RNGTT: variants seen among roughly 807,000 people sequenced by gnomAD.
The protein encoded by RNGTT is RNA guanylyltransferase and 5'-phosphatase.
Under a neutral mutation model 79.3 loss-of-function variants are expected in RNGTT, and 33 were observed. The ratio of observed to expected loss-of-function variants is 0.42; its 90% confidence interval spans 0.32 to 0.56. RNGTT has a LOEUF of 0.56. Among genes scored for constraint, RNGTT ranks in the 20% least tolerant of loss-of-function variants. The pLI is 0.17. For missense variants in RNGTT, 497 were observed against 739.1 expected (o/e 0.67, Z 3.80); for synonymous variants, 222 against 235.9 (o/e 0.94, Z 0.54).
chr6:88,707,528 C>T (rs1776167953), intron 13 of RNGTT, among the ~76,000 whole-genome samples: 1 of 151,892 alleles, frequency 6.6e-6, no homozygotes, highest in African/African-American at 2.4e-5. Context: ...GAAAAGTCTC[C>T]TAAGTAAAAA....
intron 14 of RNGTT, among the ~76,000 whole-genome samples, chr6:88,673,935 AGCTGT>A (rs1273654727): frequency 1.3e-5 from 2 of 152,228 alleles, no homozygotes; most frequent in Non-Finnish European, 2.9e-5. Flanking sequence ...AAAAATATTG[AGCTGT>A]CAGAAATGTT....
At chr6:88,669,324 G>A (rs997746243) in intron 14 of RNGTT, among the ~76,000 whole-genome samples, 1 of 152,220 alleles carries the variant, frequency 6.6e-6, no homozygotes, top group Non-Finnish European at 1.5e-5. Context: ...ATGTATGCAG[G>A]GGAACTACTA....
At chr6:88,739,608 C>T (rs1777399316) in intron 13 of RNGTT, among the ~76,000 whole-genome samples, 1 of 151,330 alleles carries the variant, frequency 6.6e-6, no homozygotes, top group South Asian at 2.1e-4. Flanking sequence ...TATCTCATCA[C>T]ATACAGAACA....
At chr6:88,829,953 C>A (rs1167083620) in intron 11 of RNGTT, among the ~76,000 whole-genome samples, 1 of 152,086 alleles carries the variant, frequency 6.6e-6, no homozygotes, top group Non-Finnish European at 1.5e-5. Flanking sequence ...AGACTTTTAA[C>A]ACCCCACTGT....
chr6:88,924,080 G>C (rs1436348827), intron 4 of RNGTT, among the ~76,000 whole-genome samples: 1 of 152,202 alleles, frequency 6.6e-6, no homozygotes, highest in East Asian at 1.9e-4. Context: ...CTCCATCCAG[G>C]ATAGTGCTGG....
intron 11 of RNGTT, among the ~76,000 whole-genome samples, chr6:88,819,106 AT>A (rs1421941048): frequency 2.0e-5 from 3 of 152,134 alleles, no homozygotes; most frequent in Admixed American, 6.5e-5. Flanking sequence ...TATAACATCT[AT>A]GAGACCTAGA....
At chr6:88,673,288 A>G (rs1315340030) in intron 14 of RNGTT, among the ~76,000 whole-genome samples, 1 of 152,376 alleles carries the variant, frequency 6.6e-6, no homozygotes, top group Non-Finnish European at 1.5e-5. Context: ...AAAAGGTTAT[A>G]TCTCATATTT....
chr6:88,834,311 A>G (rs1780988370), intron 11 of RNGTT, among the ~76,000 whole-genome samples: 1 of 152,198 alleles, frequency 6.6e-6, no homozygotes, highest in African/African-American at 2.4e-5. Context: ...AATTCTCTTT[A>G]GTATGCGTTA....
At chr6:88,763,724 A>G (rs1184401823) in intron 13 of RNGTT, among the ~76,000 whole-genome samples, 1 of 152,212 alleles carries the variant, frequency 6.6e-6, no homozygotes, top group Non-Finnish European at 1.5e-5. Flanking sequence ...TTAAGAGCCC[A>G]TTGCCTAAGT....
rs142642759 is a variant in RNGTT at position 88,956,980 on chromosome 6, C to T, written c.64+6366G>A. The stretch of plus-strand genomic sequence containing the variant: ...CCCGGGAGGCAGAGGTTGCAATGAG[C>T]TGAGATGGTGCCACCGCACTCCAGA... On this transcript the variant is annotated intron_variant, in intron 1 of 15. Coordinates refer to ENST00000369485, the MANE Select transcript of RNGTT (RefSeq NM_003800.5). Among the ~76,000 whole-genome samples, 138 of 152,262 alleles carry T rather than the reference C, an allele frequency of 9.1e-4. 2 individuals carry two copies. In the Middle Eastern group the frequency reaches 0.017, roughly 19 times the overall value.
At chr6:88,737,497 C>T (rs1416289294) in intron 13 of RNGTT, among the ~76,000 whole-genome samples, 1 of 152,068 alleles carries the variant, frequency 6.6e-6, no homozygotes, top group Non-Finnish European at 1.5e-5. Context: ...GAATGTCTGT[C>T]CCCCCTCCCC....
intron 11 of RNGTT, among the ~76,000 whole-genome samples, chr6:88,803,693 G>A (rs923939131): frequency 6.2e-5 from 9 of 144,276 alleles, no homozygotes; most frequent in African/African-American, 2.3e-4. Context: ...TTAAAAAAAT[G>A]TAACCTTTAA....
chr6:88,824,761 T>G (rs1292460718), intron 11 of RNGTT, among the ~76,000 whole-genome samples: 2 of 151,830 alleles, frequency 1.3e-5, no homozygotes, highest in African/African-American at 2.4e-5. Context: ...TTTTTTTTTT[T>G]TTTTCTTTTT....
chr6:88,614,726 C>T (rs1447757089), intron 14 of RNGTT, among the ~76,000 whole-genome samples: 8 of 152,176 alleles, frequency 5.3e-5, no homozygotes, highest in African/African-American at 1.2e-4. Flanking sequence ...TGTGTCTCTA[C>T]GGCTTTCAGA....
intron 14 of RNGTT, among the ~76,000 whole-genome samples, chr6:88,638,976 T>C (rs972610347): frequency 1.1e-4 from 16 of 152,280 alleles, no homozygotes; most frequent in African/African-American, 3.8e-4. Context: ...TTGGTAATGT[T>C]AAACAAAATT....
intron 12 of RNGTT, among the ~76,000 whole-genome samples, chr6:88,793,459 C>T (rs1363568652): frequency 1.3e-5 from 2 of 152,140 alleles, no homozygotes; most frequent in African/African-American, 4.8e-5. Flanking sequence ...TTGGAAGAAG[C>T]TGACCATGTC....
chr6:88,821,627 AAAAG>A (rs1332055358), intron 11 of RNGTT, among the ~76,000 whole-genome samples: 1 of 152,064 alleles, frequency 6.6e-6, no homozygotes, highest in Non-Finnish European at 1.5e-5. Context: ...AAAGCAAAAT[AAAAG>A]AAATTAATAT....
chr6:88,787,801 T>C (rs1227080704), intron 12 of RNGTT, among the ~76,000 whole-genome samples: 1 of 151,340 alleles, frequency 6.6e-6, no homozygotes, highest in Non-Finnish European at 1.5e-5. Context: ...GCAGTGACAA[T>C]GGAGAAAAAA....
In RNGTT at chr6:88,813,206, G is replaced by A. The variant is rs115952781; in HGVS notation, c.1270-11574C>T. 7.4e-3 allele frequency among the ~76,000 whole-genome samples: 1,131 copies of A among 152,250 alleles called. 15 individuals are homozygous for A. The highest frequency in any genetic ancestry group is 0.024 in the African/African-American group (1,012 of 41,542). ...ACTGGAACCGATATGGCCTACTGGC[G>A]TTTGCACAGAACGAACTTGCCGGTG... On this transcript the variant is annotated intron_variant, in intron 11 of 15. Transcript: ENST00000369485.
Sources: allele counts gnomAD v4.1 joint callset (sites outside exome capture counted in the v4.1 genomes callset), GRCh38; gene constraint gnomAD v4.1.1; transcripts MANE v1.5; gene names NCBI Gene and HGNC (gene_info 2026-07-23, HGNC 2026-07-21).